The following DIAPH2 variants were observed in gnomAD, a reference collection of about 807,000 sequenced individuals.
DIAPH2 encodes the protein diaphanous related formin 2.
In DIAPH2, 35 loss-of-function variants were observed where a neutral mutation model predicts 92.7. The observed-to-expected ratio is 0.38, with a 90% CI of 0.29 to 0.50. The LOEUF is 0.50. Ranked by LOEUF, DIAPH2 falls within the 20% of genes least tolerant of loss-of-function variation. The probability of loss-of-function intolerance (pLI) is 0.94; values close to 1 mark genes in which losing one functional copy is unlikely to be tolerated. For synonymous variants in DIAPH2, 301 were observed against 280.4 expected (o/e 1.07, Z -0.73); for missense variants, 701 against 819.5 (o/e 0.86, Z 1.77).
chrX:97,229,803 AAT>A (rs1241305548), intron 22 of DIAPH2, among the ~76,000 whole-genome samples: 2 of 93,122 alleles, frequency 2.1e-5, no homozygotes, highest in Non-Finnish European at 4.4e-5. Flanking sequence ...AATAAGATAT[AAT>A]ATATTGTTAT....
chrX:97,169,331 A>G (rs1242103986), intron 22 of DIAPH2, among the ~76,000 whole-genome samples: 1 of 111,693 alleles, frequency 9.0e-6, no homozygotes, highest in Non-Finnish European at 1.9e-5. Flanking sequence ...AGGCCATTTT[A>G]AAGGCTTGAG....
At chrX:96,746,681 G>A (rs936872801) in intron 3 of DIAPH2, among the ~76,000 whole-genome samples, 3 of 110,036 alleles carry the variant, frequency 2.7e-5, no homozygotes, top group Non-Finnish European at 5.7e-5. Context: ...AGCATCCTGA[G>A]TAGCTGAGAC....
intron 23 of DIAPH2, among the ~76,000 whole-genome samples, chrX:97,273,070 G>A (rs926271962): frequency 2.7e-5 from 3 of 111,846 alleles, no homozygotes; most frequent in South Asian, 3.7e-4. Context: ...AAGGAGAATC[G>A]CTCAAACCCG....
intron 1 of DIAPH2, 98 bp from the exon 2 acceptor site, chrX:96,735,660 T>G (rs2064082255): frequency 2.0e-6 from 1 of 510,479 alleles, no homozygotes; most frequent in Admixed American, 3.7e-5. Flanking sequence ...TGTTTACAGT[T>G]AATAAAAATG....
intron 22 of DIAPH2, among the ~76,000 whole-genome samples, chrX:97,207,345 T>G (rs1293561363): frequency 8.9e-6 from 1 of 111,862 alleles, no homozygotes; most frequent in African/African-American, 3.2e-5. Flanking sequence ...AGCAAGCATT[T>G]TAGGGATTTT....
At chrX:97,334,688 A>AAAC (rs1439945737) in intron 23 of DIAPH2, among the ~76,000 whole-genome samples, 1 of 95,841 alleles carries the variant, frequency 1.0e-5, no homozygotes, top group Admixed American at 1.1e-4. Context: ...AAAACAAAAC[A>AAAC]AAAAAAAAAA....
chrX:96,866,996 G>C (rs2065108545), intron 4 of DIAPH2, among the ~76,000 whole-genome samples: 1 of 111,744 alleles, frequency 8.9e-6, no homozygotes, highest in Non-Finnish European at 1.9e-5. Flanking sequence ...GGTCCTTAGA[G>C]GTAAGAATGC....
chrX:97,476,441 A>G (rs1260729896), intron 26 of DIAPH2, among the ~76,000 whole-genome samples: 1 of 111,972 alleles, frequency 8.9e-6, no homozygotes, highest in East Asian at 2.8e-4. Flanking sequence ...ACCCTTGTAT[A>G]CAATACATGT....
In DIAPH2 at chrX:96,871,639, T is replaced by A. The variant is rs756105501; in HGVS notation, c.448-9940T>A. Reference sequence around the variant, plus strand: ...GAAAGTTGGTGAATTTATGGGGACCTTTTTAGAATCATATTTTTAGATGTA... The same window carrying A: ...GAAAGTTGGTGAATTTATGGGGACCATTTTAGAATCATATTTTTAGATGTA... On this transcript the variant is annotated intron_variant, in intron 4 of 26. Transcript: ENST00000324765. Among the ~76,000 whole-genome samples the A allele has an allele frequency of 4.5e-5, 5 of 111,318 alleles. No homozygotes were observed. In the South Asian group the frequency reaches 1.9e-3, roughly 42 times the overall value.
At chrX:97,277,597 A>C (rs1434408038) in intron 23 of DIAPH2, among the ~76,000 whole-genome samples, 1 of 110,970 alleles carries the variant, frequency 9.0e-6, no homozygotes, top group East Asian at 2.9e-4. Flanking sequence ...AATGAATCTC[A>C]AGGTATGTTC....
intron 17 of DIAPH2, among the ~76,000 whole-genome samples, chrX:97,050,053 T>C (rs1383306688): frequency 1.4e-4 from 16 of 111,450 alleles, no homozygotes; most frequent in Admixed American, 5.7e-4. Flanking sequence ...AGTCAGAATT[T>C]CAGATTTATA....
At chrX:97,371,403 A>T (rs772063906) in intron 24 of DIAPH2, among the ~76,000 whole-genome samples, 21 of 111,516 alleles carry the variant, frequency 1.9e-4, no homozygotes, top group Non-Finnish European at 3.4e-4. Context: ...CTACACCTCC[A>T]TGAAAAAGTT....
At chrX:97,022,082 T>G (rs939412328) in intron 17 of DIAPH2, among the ~76,000 whole-genome samples, 3 of 112,191 alleles carry the variant, frequency 2.7e-5, no homozygotes, top group Non-Finnish European at 3.8e-5. Flanking sequence ...GAGTAGGATC[T>G]ATTACTGGAC....
At chrX:97,442,401 C>T (rs184203965) in intron 26 of DIAPH2, among the ~76,000 whole-genome samples, 27 of 112,356 alleles carry the variant, frequency 2.4e-4, no homozygotes, top group Admixed American at 1.9e-3. Context: ...CAGGAGCAGA[C>T]GCTCTGTGCA....
intron 16 of DIAPH2, among the ~76,000 whole-genome samples, chrX:96,962,014 T>A (rs2065852041): frequency 9.2e-6 from 1 of 108,580 alleles, no homozygotes; most frequent in Admixed American, 1.0e-4. Flanking sequence ...GATAAAATGT[T>A]CTGTAAATGT....
chrX:97,201,435 A>T (rs747550839), intron 22 of DIAPH2, among the ~76,000 whole-genome samples: 1 of 108,555 alleles, frequency 9.2e-6, no homozygotes, highest in South Asian at 4.2e-4. Flanking sequence ...AGGTTAGAGG[A>T]ACTGCTAACT....
chrX:96,880,021 C>T (rs931267423), intron 4 of DIAPH2, among the ~76,000 whole-genome samples: 1 of 111,652 alleles, frequency 9.0e-6, no homozygotes, highest in Middle Eastern at 4.6e-3. Context: ...GAGCCACCGT[C>T]CCCGGCCCAT....
chrX:97,014,198 G>C lies in DIAPH2; in HGVS notation c.2050+48991G>C, dbSNP rs187658578. ...TTGCACTATGGGGTTAATGACAAAA[G>C]AAGGAAGAGGTAGAAAAGAAGGGAT... On this transcript the variant is annotated intron_variant, in intron 17 of 26. Coordinates refer to ENST00000324765, the MANE Select transcript of DIAPH2 (RefSeq NM_006729.5). 1.3e-4 allele frequency among the ~76,000 whole-genome samples: 15 copies of C among 111,597 alleles called. 1 individual carries two copies. In the East Asian group the frequency reaches 4.3e-3, roughly 32 times the overall value.
At chrX:96,955,305 AATTATTC>A (rs773672944) in intron 15 of DIAPH2, among the ~76,000 whole-genome samples, 6 of 111,802 alleles carry the variant, frequency 5.4e-5, no homozygotes, top group Non-Finnish European at 9.4e-5. Flanking sequence ...CAGAATTATC[AATTATTC>A]ATTATTCATT....
Sources: gnomAD v4.1 joint callset for allele counts (sites outside exome capture counted in the v4.1 genomes callset) on GRCh38, gnomAD v4.1.1 for gene constraint, MANE v1.5 for transcripts, NCBI Gene and HGNC (gene_info 2026-07-23, HGNC 2026-07-21) for gene names.